TNKS2: variants seen among roughly 807,000 people sequenced by gnomAD.
TNKS2 encodes tankyrase 2.
TNKS2 carries 72 observed loss-of-function variants against 137.6 expected under a neutral mutation model. The observed-to-expected ratio is 0.52, with a 90% CI of 0.43 to 0.64. The LOEUF (loss-of-function observed/expected upper bound fraction) is 0.64, where lower values mean the gene tolerates loss of function less well. TNKS2 is among the 30% of genes least tolerant of loss of function. The probability of loss-of-function intolerance (pLI) is 0.00; values close to 1 mark genes in which losing one functional copy is unlikely to be tolerated. For synonymous variants in TNKS2, 516 were observed against 512.1 expected (o/e 1.01, Z -0.10); for missense variants, 1,049 against 1,410.2 (o/e 0.74, Z 4.10).
chr10:91,854,096 A>G (rs1267793478), intron 21 of TNKS2, among the ~76,000 whole-genome samples: 1 of 152,098 alleles, frequency 6.6e-6, no homozygotes, highest in Non-Finnish European at 1.5e-5. Context: ...TAAACAATCT[A>G]TTATGGGACA....
chr10:91,842,026 A>G (rs545431368), intron 15 of TNKS2, 146 bp from the exon 16 acceptor site: 8 of 509,796 alleles, frequency 1.6e-5, no homozygotes, highest in South Asian at 3.6e-5. Flanking sequence ...TTGTATAAAC[A>G]TTAGTAACAG....
intron 1 of TNKS2, among the ~76,000 whole-genome samples, chr10:91,811,135 A>G (rs1352828291): frequency 6.6e-6 from 1 of 151,438 alleles, no homozygotes; most frequent in African/African-American, 2.4e-5. Context: ...CATGCTGGCC[A>G]GGCTGGTCTC....
chr10:91,815,284 C>T (rs1564607347), intron 2 of TNKS2, among the ~76,000 whole-genome samples: 1 of 152,170 alleles, frequency 6.6e-6, no homozygotes, highest in African/African-American at 2.4e-5. Flanking sequence ...ATGTCAACTT[C>T]ACCAGCTTAG....
At chr10:91,856,623 TC>T (rs1335342525) in intron 23 of TNKS2, among the ~76,000 whole-genome samples, 1 of 152,234 alleles carries the variant, frequency 6.6e-6, no homozygotes, top group Non-Finnish European at 1.5e-5. Context: ...GTTTTCTTCC[TC>T]TAATAAAGGT....
rs1259019774 is a variant in TNKS2, at chr10:91,863,042, C to G, written c.*43C>G. ...CTAATTCCACTGAACCTAAAATCAT[C>G]AAAGCAGCAGTGGCCTCTACGTTTT... On this transcript the variant is annotated 3_prime_UTR_variant, in exon 27 of 27. Coordinates refer to ENST00000371627, the MANE Select transcript of TNKS2 (RefSeq NM_025235.4). 4 of 1,468,838 alleles carry G rather than the reference C, an allele frequency of 2.7e-6. No individual in the cohort carries two copies. The highest frequency in any genetic ancestry group is 1.4e-5 in the African/African-American group (1 of 71,636). 91.0% of individuals were successfully genotyped at this position (1,468,838 alleles called of 1,614,324 possible).
intron 23 of TNKS2, among the ~76,000 whole-genome samples, chr10:91,855,897 G>A (rs1046185154): frequency 1.3e-5 from 2 of 152,088 alleles, no homozygotes; most frequent in Admixed American, 1.3e-4. Context: ...TTCAATTCTT[G>A]TTGAACATAT....
At chr10:91,842,892 C>T (rs1842257635) in intron 16 of TNKS2, among the ~76,000 whole-genome samples, 1 of 152,188 alleles carries the variant, frequency 6.6e-6, no homozygotes, top group Non-Finnish European at 1.5e-5. Flanking sequence ...CACTTTATTA[C>T]TAGTATGTTA....
Position 91,830,838 on chromosome 10 carries a change from T to G in TNKS2, c.1105-85T>G, listed in dbSNP as rs969698327. ...TAAAACAAAAAGATTAAATAACTAC[T>G]TGATTGTTCTTGATTGGAAACACGA... On this transcript the variant is annotated intron_variant, in intron 9 of 26. Transcript: ENST00000371627. The G allele has an allele frequency of 2.7e-6, 3 of 1,129,418 alleles. No individual in the cohort carries two copies. The African/African-American group carries it at 4.7e-5, about 18-fold the overall frequency. The allele number at this position is 1,129,418 out of a possible 1,614,324, so 70.0% of individuals were successfully genotyped here.
At chr10:91,819,447 G>A (rs1258792059) in intron 4 of TNKS2, 35 bp from the exon 5 acceptor site, 1 of 1,525,788 alleles carries the variant, frequency 6.6e-7, no homozygotes, top group Non-Finnish European at 8.8e-7. Flanking sequence ...ATCTGATGAA[G>A]AATGCAAATT....
chr10:91,845,085 A>T, intron 17 of TNKS2, 57 bp downstream of exon 17: 3 of 1,076,484 alleles, frequency 2.8e-6, no homozygotes, highest in South Asian at 2.7e-5. Flanking sequence ...GAAAGTCAGT[A>T]TTGCAGCTCA....
rs965362639 is a variant in TNKS2, at chr10:91,856,644, C to T, written c.2989-781C>T. On this transcript the variant is annotated intron_variant, in intron 23 of 26. Coordinates refer to ENST00000371627, the MANE Select transcript of TNKS2 (RefSeq NM_025235.4). ...TTCCTCTAATAAAGGTATTTTCATG[C>T]GTTGTGTAATAAAAATTTTTTCAGT... 3.9e-5 allele frequency among the ~76,000 whole-genome samples: 6 copies of T among 152,082 alleles called. No homozygotes were observed. In the East Asian group the frequency reaches 7.7e-4, roughly 20 times the overall value.
intron 18 of TNKS2, among the ~76,000 whole-genome samples, chr10:91,847,302 A>G (rs1257207772): frequency 6.6e-6 from 1 of 152,190 alleles, no homozygotes; most frequent in African/African-American, 2.4e-5. Context: ...CAAATTAAAC[A>G]AATTAATGTA....
chr10:91,817,076 C>G, intron 2 of TNKS2, 58 bp from the exon 3 acceptor site: 1 of 1,235,448 alleles, frequency 8.1e-7, no homozygotes, highest in South Asian at 1.3e-5. Flanking sequence ...AAATGATTTA[C>G]TAAAATCAAG....
chr10:91,812,755 A>G (rs751042799), intron 1 of TNKS2: 34 of 985,160 alleles, frequency 3.5e-5, no homozygotes, highest in Non-Finnish European at 4.1e-5. Flanking sequence ...TAGTAGTACC[A>G]CCCAAGGCAC....
At chr10:91,852,476 C>T (rs949527245) in intron 21 of TNKS2, among the ~76,000 whole-genome samples, 3 of 152,124 alleles carry the variant, frequency 2.0e-5, no homozygotes, top group Non-Finnish European at 4.4e-5. Flanking sequence ...AGGAGAATGG[C>T]GTGAACCCGG....
At chr10:91,815,609 T>C (rs1844667290) in intron 2 of TNKS2, among the ~76,000 whole-genome samples, 2 of 152,116 alleles carry the variant, frequency 1.3e-5, no homozygotes, top group African/African-American at 4.8e-5. Context: ...ATGTAAAATA[T>C]CTAATTTTAT....
intron 1 of TNKS2, among the ~76,000 whole-genome samples, chr10:91,801,636 G>A (rs1180861772): frequency 1.3e-5 from 2 of 151,846 alleles, no homozygotes; most frequent in African/African-American, 4.8e-5. Flanking sequence ...GCCACGCCCG[G>A]CAAATTTTTG....
chr10:91,858,940 C>T (rs1003918879), intron 24 of TNKS2, among the ~76,000 whole-genome samples: 1 of 151,946 alleles, frequency 6.6e-6, no homozygotes, highest in Non-Finnish European at 1.5e-5. Context: ...ACCCGGGAGG[C>T]AGAGGTTGCA....
intron 25 of TNKS2, among the ~76,000 whole-genome samples, chr10:91,861,641 T>C (rs1161714410): frequency 1.3e-5 from 2 of 152,222 alleles, no homozygotes; most frequent in African/African-American, 2.4e-5. Context: ...TAATTAGATA[T>C]GTGTCCAACT....
Sources: allele counts gnomAD v4.1 joint callset (sites outside exome capture counted in the v4.1 genomes callset), GRCh38; gene constraint gnomAD v4.1.1; transcripts MANE v1.5; gene names NCBI Gene and HGNC (gene_info 2026-07-23, HGNC 2026-07-21).